The following GRIK2 variants were observed in gnomAD, a reference collection of about 807,000 sequenced individuals.
The protein encoded by GRIK2 is glutamate ionotropic receptor kainate type subunit 2.
Under a neutral mutation model 100.3 loss-of-function variants are expected in GRIK2, and 32 were observed. The observed-to-expected ratio is 0.32, with a 90% CI of 0.24 to 0.43. The LOEUF is 0.43. Ranked by LOEUF, GRIK2 falls within the 20% of genes least tolerant of loss-of-function variation. GRIK2 has a pLI of 1.00. For missense variants in GRIK2, 843 were observed against 1,114.9 expected (o/e 0.76, Z 3.47); for synonymous variants, 417 against 389.4 (o/e 1.07, Z -0.83).
intron 2 of GRIK2, among the ~76,000 whole-genome samples, chr6:101,616,388 C>T (rs911342641): frequency 6.6e-6 from 1 of 151,488 alleles, no homozygotes; most frequent in African/African-American, 2.4e-5. Context: ...TAATCAAATG[C>T]CTATCATCTA....
intron 4 of GRIK2, among the ~76,000 whole-genome samples, chr6:101,654,269 A>G (rs1167445304): frequency 6.6e-6 from 1 of 152,160 alleles, no homozygotes; most frequent in African/African-American, 2.4e-5. Flanking sequence ...AACTATATAA[A>G]GATACAACTG....
At chr6:101,770,118 C>T in intron 7 of GRIK2, among the ~76,000 whole-genome samples, 1 of 152,144 alleles carries the variant, frequency 6.6e-6, no homozygotes, top group East Asian at 1.9e-4. Flanking sequence ...CATTTTTTAA[C>T]ATTAGTGACT....
chr6:101,589,931 CTAA>C (rs749252050), intron 2 of GRIK2, among the ~76,000 whole-genome samples: 17 of 152,026 alleles, frequency 1.1e-4, no homozygotes, highest in Non-Finnish European at 2.2e-4. Flanking sequence ...GAAGGGGAAA[CTAA>C]TAATAACCTG....
chr6:101,810,147 C>T (rs1189469249), intron 9 of GRIK2, among the ~76,000 whole-genome samples: 1 of 151,454 alleles, frequency 6.6e-6, no homozygotes, highest in Admixed American at 6.6e-5. Context: ...GATTTCAAAT[C>T]AAATCAAATC....
intron 11 of GRIK2, among the ~76,000 whole-genome samples, chr6:101,885,036 C>T (rs1028267449): frequency 2.0e-5 from 3 of 152,048 alleles, no homozygotes; most frequent in Admixed American, 6.6e-5. Flanking sequence ...ATGCTTTGAT[C>T]GAAGGGTATG....
At chr6:101,547,052 C>G (rs1200198424) in intron 2 of GRIK2, among the ~76,000 whole-genome samples, 1 of 151,366 alleles carries the variant, frequency 6.6e-6, no homozygotes, top group Non-Finnish European at 1.5e-5. Flanking sequence ...GGGATGGTCT[C>G]GATCTCTTGA....
intron 15 of GRIK2, among the ~76,000 whole-genome samples, chr6:102,038,277 G>T (rs1770379130): frequency 1.3e-5 from 2 of 151,276 alleles, no homozygotes; most frequent in African/African-American, 2.4e-5. Context: ...TGGAAGCAGG[G>T]GTCTGTTAGG....
chr6:101,737,711 G>A (rs180979204), intron 7 of GRIK2, among the ~76,000 whole-genome samples: 18 of 152,270 alleles, frequency 1.2e-4, no homozygotes, highest in African/African-American at 4.3e-4. Context: ...GACTACATTT[G>A]ATCTTTAGGT....
chr6:101,676,574 C>T (rs868212012), intron 4 of GRIK2, 49 bp from the exon 5 acceptor site: 1 of 1,093,628 alleles, frequency 9.1e-7, no homozygotes, highest in Non-Finnish European at 1.3e-6. Context: ...TTGCCCTACT[C>T]TATTTTTTAT....
intron 10 of GRIK2, among the ~76,000 whole-genome samples, chr6:101,827,929 C>G (rs368384050): frequency 6.6e-6 from 1 of 151,912 alleles, no homozygotes; most frequent in African/African-American, 2.4e-5. Flanking sequence ...ACCAATTGGA[C>G]CTAATAGGCA....
chr6:102,050,580 G>C (rs1771118061), intron 15 of GRIK2, among the ~76,000 whole-genome samples: 1 of 150,878 alleles, frequency 6.6e-6, no homozygotes, highest in Non-Finnish European at 1.5e-5. Context: ...CTGGGAGGCG[G>C]AGGTTGCAGT....
At chr6:101,867,324 C>T (rs1421819249) in intron 11 of GRIK2, among the ~76,000 whole-genome samples, 10 of 151,858 alleles carry the variant, frequency 6.6e-5, no homozygotes, top group East Asian at 1.9e-4. Context: ...TAATCTCAGA[C>T]GATAGAGACA....
In GRIK2 at chr6:101,802,384, G is replaced by C; in HGVS notation, c.1149G>C (p.Leu383Phe). 2 of 1,593,242 alleles carry C rather than the reference G, an allele frequency of 1.3e-6. No homozygotes were observed. Among genetic ancestry groups the C allele is most frequent in the Non-Finnish European group, 1.7e-6 (2 of 1,168,232 alleles). ...TAACTTTCAACAAAACCAATGGCTT[G>C]AGAACAGATTTTGATTTGGATGTGA... ...GRITFNKTNG[L>F]RTDFDLDVIS... Residue 383 changes from leucine (L) to phenylalanine (F), a missense_variant, in exon 9 of 17, where the codon TTG (leucine) becomes TTC (phenylalanine). Coordinates refer to ENST00000369134, the MANE Select transcript of GRIK2 (RefSeq NM_021956.5).
At chr6:101,485,465 A>G (rs1388047874) in intron 2 of GRIK2, among the ~76,000 whole-genome samples, 2 of 152,190 alleles carry the variant, frequency 1.3e-5, no homozygotes, top group East Asian at 3.8e-4. Flanking sequence ...ACTTTTAAGA[A>G]CTACTAAATC....
intron 7 of GRIK2, among the ~76,000 whole-genome samples, chr6:101,752,638 A>T (rs1776864665): frequency 6.6e-6 from 1 of 152,146 alleles, no homozygotes; most frequent in Admixed American, 6.5e-5. Context: ...ACAGTGAAAA[A>T]TCTAGGTTTT....
intron 6 of GRIK2, 57 bp downstream of exon 6, chr6:101,682,663 T>C (rs535832810): frequency 1.3e-6 from 1 of 777,276 alleles, no homozygotes; most frequent in South Asian, 1.6e-5. Flanking sequence ...CTTTTTCAGA[T>C]GAAAAATAGG....
intron 7 of GRIK2, among the ~76,000 whole-genome samples, chr6:101,779,877 CTATATA>C (rs371522416): frequency 2.6e-5 from 4 of 151,598 alleles, no homozygotes; most frequent in Admixed American, 6.6e-5. Context: ...ATCTCTCTCT[CTATATA>C]TATATAAAAT....
intron 7 of GRIK2, among the ~76,000 whole-genome samples, chr6:101,746,156 A>G (rs1776407136): frequency 6.6e-6 from 1 of 152,264 alleles, no homozygotes; most frequent in African/African-American, 2.4e-5. Context: ...AGAATTGAGT[A>G]CTGTTTTTTC....
chr6:102,035,119 AAATC>A (rs1347720529), intron 14 of GRIK2, among the ~76,000 whole-genome samples: 4 of 150,806 alleles, frequency 2.7e-5, no homozygotes, highest in African/African-American at 9.7e-5. Context: ...TTTGTTAAAT[AAATC>A]TATACTATAC....
Sources: gnomAD v4.1 joint callset for allele counts (sites outside exome capture counted in the v4.1 genomes callset) on GRCh38, gnomAD v4.1.1 for gene constraint, MANE v1.5 for transcripts, NCBI Gene and HGNC (gene_info 2026-07-23, HGNC 2026-07-21) for gene names.